ANO6: variants seen among roughly 807,000 people sequenced by gnomAD.
ANO6 encodes anoctamin 6.
ANO6 carries 106 observed loss-of-function variants against 117.5 expected under a neutral mutation model. The ratio of observed to expected loss-of-function variants is 0.90; its 90% confidence interval spans 0.77 to 1.06. The LOEUF (loss-of-function observed/expected upper bound fraction) is 1.06, where lower values mean the gene tolerates loss of function less well. Ranked by LOEUF, ANO6 falls within the 50% of genes least tolerant of loss-of-function variation. The pLI, the probability that ANO6 is intolerant of heterozygous loss-of-function variation, is 0.00. For missense variants in ANO6, 955 were observed against 1,121.1 expected (o/e 0.85, Z 2.12); for synonymous variants, 367 against 385.1 (o/e 0.95, Z 0.55).
At chr12:45,253,326 G>A (rs59111701) in intron 1 of ANO6, among the ~76,000 whole-genome samples, 1,584 of 152,244 alleles carry the variant, frequency 0.01, 30 homozygotes, top group African/African-American at 0.036. Flanking sequence ...CCAAGCCCCC[G>A]CCACTGATCC....
intron 1 of ANO6, among the ~76,000 whole-genome samples, chr12:45,288,996 CAT>C (rs1939008744): frequency 6.6e-6 from 1 of 151,796 alleles, no homozygotes; most frequent in Non-Finnish European, 1.5e-5. Flanking sequence ...TACTTTTTCA[CAT>C]AGAGATATAT....
At chr12:45,300,307 A>T (rs533695890) in intron 1 of ANO6, among the ~76,000 whole-genome samples, 4 of 152,242 alleles carry the variant, frequency 2.6e-5, no homozygotes, top group African/African-American at 9.6e-5. Flanking sequence ...CAACCTCCTG[A>T]GTAGCTGGGA....
intron 1 of ANO6, among the ~76,000 whole-genome samples, chr12:45,265,140 T>A (rs565252571): frequency 2.0e-5 from 3 of 152,308 alleles, no homozygotes; most frequent in East Asian, 3.9e-4. Context: ...GTCCATTAAT[T>A]TTGTGTTTCA....
intron 1 of ANO6, among the ~76,000 whole-genome samples, chr12:45,255,818 G>GGTTTTTTTTTTTTT (rs749001458): frequency 4.9e-5 from 4 of 81,712 alleles, no homozygotes; most frequent in African/African-American, 1.8e-4. Context: ...CTCCCTGGGT[G>GGTTTTTTTTTTTTT]TTTTTTTTTT....
chr12:45,439,647 CT>C lies in ANO6; in HGVS notation c.2527-8del, dbSNP rs34144696. On this transcript the variant is annotated intron_variant, in intron 19 of 19. Coordinates refer to the ANO6 transcript ENST00000425752. ...GAGTATTCAAGATATGATTTAATTG[CT>C]TTTTTTTTTTTTTTTTTTTGAGACA... The C allele has an allele frequency of 0.21, 232,290 of 1,103,048 alleles. 277 individuals carry two copies. Among genetic ancestry groups the C allele is most frequent in the East Asian group, 0.27 (8,240 of 30,954 alleles). 68.3% of individuals were successfully genotyped at this position (1,103,048 alleles called of 1,614,324 possible).
At chr12:45,378,767 G>T (rs1942095997) in intron 10 of ANO6, among the ~76,000 whole-genome samples, 1 of 152,130 alleles carries the variant, frequency 6.6e-6, no homozygotes, top group Non-Finnish European at 1.5e-5. Context: ...TAACTTTTAT[G>T]GGGGTGGAGA....
chr12:45,314,490 CACAT>C (rs959451353), intron 2 of ANO6, among the ~76,000 whole-genome samples: 4 of 148,752 alleles, frequency 2.7e-5, no homozygotes, highest in Non-Finnish European at 4.5e-5. Flanking sequence ...CACACACACA[CACAT>C]ATATACATAT....
At chr12:45,405,018 G>C (rs1210456954) in intron 15 of ANO6, among the ~76,000 whole-genome samples, 1 of 151,846 alleles carries the variant, frequency 6.6e-6, no homozygotes. Context: ...AAACTGTCAG[G>C]GTCTTTCTCT....
At chr12:45,435,729 G>C (rs1266649352), downstream of ANO6, among the ~76,000 whole-genome samples, 1 of 151,828 alleles carries the variant, frequency 6.6e-6, no homozygotes, top group Non-Finnish European at 1.5e-5. Context: ...AAAAAATGAA[G>C]GCAAGGTCTG....
intron 1 of ANO6, chr12:45,270,528 A>G: frequency 9.4e-7 from 1 of 1,066,408 alleles, no homozygotes; most frequent in Non-Finnish European, 1.3e-6. Context: ...AGCCTGGGTA[A>G]GATCCCCTTC....
intron 2 of ANO6, among the ~76,000 whole-genome samples, chr12:45,322,075 C>A (rs1241438447): frequency 6.6e-6 from 1 of 151,984 alleles, no homozygotes; most frequent in African/African-American, 2.4e-5. Context: ...ACCATCATTG[C>A]AGATGGTAAT....
At position 45,301,530 on chromosome 12, in the gene ANO6, T is replaced by C. The variant is rs550511884; in HGVS notation, c.71-484T>C. On this transcript the variant is annotated intron_variant, in intron 1 of 19. Coordinates refer to ENST00000320560, the MANE Select transcript of ANO6 (RefSeq NM_001025356.3). Reference sequence around the variant, plus strand: ...TACTTGGGAGACTGAGGTGGGAGGATCACTTGAGCCCAGGAGGTCGAGGCT... The same window carrying C: ...TACTTGGGAGACTGAGGTGGGAGGACCACTTGAGCCCAGGAGGTCGAGGCT... Among the ~76,000 whole-genome samples the C allele has an allele frequency of 8.6e-5, 13 of 151,282 alleles. No individual in the cohort carries two copies. In the East Asian group the frequency reaches 2.3e-3, roughly 27 times the overall value.
At chr12:45,264,874 A>G (rs539283756) in intron 1 of ANO6, among the ~76,000 whole-genome samples, 1 of 152,282 alleles carries the variant, frequency 6.6e-6, no homozygotes, top group African/African-American at 2.4e-5. Context: ...AAGCCAACAC[A>G]CCAAATTTGG....
chr12:45,290,425 C>T (rs1188828894), intron 1 of ANO6, among the ~76,000 whole-genome samples: 2 of 152,118 alleles, frequency 1.3e-5, no homozygotes. Context: ...TCTTTCATCC[C>T]CAGGCCATGT....
intron 14 of ANO6, 66 bp downstream of exon 14, chr12:45,403,307 A>G: frequency 6.4e-7 from 1 of 1,563,266 alleles, no homozygotes; most frequent in Non-Finnish European, 8.8e-7. Context: ...GCCCAAATGA[A>G]TAGTTTTTTA....
chr12:45,251,388 C>T (rs958628645), intron 1 of ANO6, among the ~76,000 whole-genome samples: 10 of 152,180 alleles, frequency 6.6e-5, no homozygotes, highest in African/African-American at 2.2e-4. Flanking sequence ...ATAGTTTTTG[C>T]ACAGAGATTC....
At chr12:45,427,726 C>T (rs1490800685) in intron 19 of ANO6, among the ~76,000 whole-genome samples, 1 of 148,824 alleles carries the variant, frequency 6.7e-6, no homozygotes, top group Admixed American at 6.7e-5. Context: ...TTCATAATCA[C>T]TAAGTTGGTT....
At chr12:45,334,329 A>G (rs954495698) in intron 3 of ANO6, among the ~76,000 whole-genome samples, 1 of 152,120 alleles carries the variant, frequency 6.6e-6, no homozygotes, top group Non-Finnish European at 1.5e-5. Context: ...TTCTCATTTA[A>G]GTAGTCTAGA....
chr12:45,379,330 T>G (rs1942110560), intron 10 of ANO6, among the ~76,000 whole-genome samples: 1 of 152,232 alleles, frequency 6.6e-6, no homozygotes, highest in Non-Finnish European at 1.5e-5. Context: ...TTTTTAGAGA[T>G]ATTTGTTGCC....
Sources: allele counts gnomAD v4.1 joint callset (sites outside exome capture counted in the v4.1 genomes callset), GRCh38; gene constraint gnomAD v4.1.1; transcripts MANE v1.5; gene names NCBI Gene and HGNC (gene_info 2026-07-23, HGNC 2026-07-21).